The following SORCS2 variants were observed in gnomAD, a reference collection of about 807,000 sequenced individuals.
The protein encoded by SORCS2 is sortilin related VPS10 domain containing receptor 2, also known as VPS10 domain-containing receptor SorCS2.
Under a neutral mutation model 141.6 loss-of-function variants are expected in SORCS2, and 100 were observed. The observed-to-expected ratio is 0.71, with a 90% CI of 0.60 to 0.83. SORCS2 has a LOEUF of 0.83. Among genes scored for constraint, SORCS2 ranks in the 40% least tolerant of loss-of-function variants. The pLI, the probability that SORCS2 is intolerant of heterozygous loss-of-function variation, is 0.00. For missense variants in SORCS2, 1,646 were observed against 1,560.2 expected (o/e 1.05, Z -0.93); for synonymous variants, 789 against 676.9 (o/e 1.17, Z -2.57).
Position 7,253,171 on chromosome 4 carries a change from C to T in SORCS2, c.480+60045C>T, listed in dbSNP as rs185208484. ...CGGCCTTTGAGGTCTCCTGAGCAGC[C>T]GGGCTAAGGATGCCAGGTCTTATCG... On this transcript the variant is annotated intron_variant, in intron 1 of 26. Coordinates refer to ENST00000507866, the MANE Select transcript of SORCS2 (RefSeq NM_020777.3). Among the ~76,000 whole-genome samples, 89 of 152,362 alleles carry T rather than the reference C, an allele frequency of 5.8e-4. 1 individual carries two copies. The East Asian group carries it at 0.011, about 19-fold the overall frequency.
chr4:7,654,969 C>T (rs901642780), intron 5 of SORCS2, among the ~76,000 whole-genome samples: 1 of 152,164 alleles, frequency 6.6e-6, no homozygotes. Context: ...ACGGGGGGCA[C>T]TCGGCTTTCC....
intron 4 of SORCS2, among the ~76,000 whole-genome samples, chr4:7,641,817 G>GAT (rs1553897684): frequency 3.5e-4 from 45 of 127,464 alleles, no homozygotes; most frequent in Middle Eastern, 4.3e-3. Flanking sequence ...TGGATGGATG[G>GAT]GTGGGTGGAT....
chr4:7,215,439 G>A (rs78543159), intron 1 of SORCS2, among the ~76,000 whole-genome samples: 48,174 of 152,102 alleles, frequency 0.32, 8,334 homozygotes, highest in Non-Finnish European at 0.39. Flanking sequence ...TGTGCTGCCC[G>A]AGCCTCCCTG....
intron 3 of SORCS2, among the ~76,000 whole-genome samples, chr4:7,623,558 G>A (rs1719337887): frequency 6.6e-6 from 1 of 152,028 alleles, no homozygotes; most frequent in South Asian, 2.1e-4. Flanking sequence ...CAAACTCCCT[G>A]TTGCCCGACC....
chr4:7,726,388 C>G (rs931440126), intron 20 of SORCS2, among the ~76,000 whole-genome samples: 1 of 152,138 alleles, frequency 6.6e-6, no homozygotes, highest in Non-Finnish European at 1.5e-5. Context: ...ACCTGGCTAA[C>G]ATGGTGAAAC....
Position 7,297,748 on chromosome 4 carries a change from G to A in SORCS2, c.481-98540G>A, listed in dbSNP as rs149099506. Among the ~76,000 whole-genome samples the A allele has an allele frequency of 1.6e-3, 245 of 152,344 alleles. 9 individuals carry two copies. In the East Asian group the frequency reaches 0.042, roughly 26 times the overall value. On this transcript the variant is annotated intron_variant, in intron 1 of 26. Transcript: ENST00000507866. ...CTCATGCAACTCCAGGAGCAAGGCTGGCTCACACTCAGGCTGGCCTCAGGC... is the reference window on the plus strand; with the variant it reads ...CTCATGCAACTCCAGGAGCAAGGCTAGCTCACACTCAGGCTGGCCTCAGGC...
At chr4:7,250,688 C>T (rs942342874) in intron 1 of SORCS2, among the ~76,000 whole-genome samples, 1 of 152,166 alleles carries the variant, frequency 6.6e-6, no homozygotes, top group Non-Finnish European at 1.5e-5. Context: ...TCGGGGAGTG[C>T]GAGGTGTCAG....
chr4:7,690,493 T>C (rs1560486165), intron 11 of SORCS2, among the ~76,000 whole-genome samples: 1 of 150,696 alleles, frequency 6.6e-6, no homozygotes, highest in Non-Finnish European at 1.5e-5. Flanking sequence ...TGATGGATGA[T>C]GGATAGATGC....
At chr4:7,254,109 G>A (rs1485442557) in intron 1 of SORCS2, among the ~76,000 whole-genome samples, 2 of 152,234 alleles carry the variant, frequency 1.3e-5, no homozygotes, top group East Asian at 3.8e-4. Flanking sequence ...GTGGAAAACA[G>A]TATGGGGATT....
At chr4:7,669,223 C>G (rs1381335696) in intron 8 of SORCS2, among the ~76,000 whole-genome samples, 1 of 152,200 alleles carries the variant, frequency 6.6e-6, no homozygotes, top group Non-Finnish European at 1.5e-5. Flanking sequence ...CACACCCAGC[C>G]TCAGGTCATT....
chr4:7,547,896 G>A (rs138833426), intron 3 of SORCS2, among the ~76,000 whole-genome samples: 2 of 152,284 alleles, frequency 1.3e-5, no homozygotes, highest in African/African-American at 2.4e-5. Flanking sequence ...CAAACAAACT[G>A]ATTAAAGAGC....
intron 1 of SORCS2, among the ~76,000 whole-genome samples, chr4:7,271,229 C>T (rs1366871911): frequency 1.3e-5 from 2 of 152,318 alleles, no homozygotes; most frequent in South Asian, 2.1e-4. Flanking sequence ...GGGGATGTCG[C>T]TCCTCCACTC....
chr4:7,434,803 C>T lies in SORCS2; in HGVS notation c.548+38448C>T. ...ACACCACACCGTGGAGCCCTTTGCA[C>T]ACTCCTGGGGGCCTGAGGTGGGGCT... On this transcript the variant is annotated intron_variant, in intron 2 of 26. Coordinates refer to ENST00000507866, the MANE Select transcript of SORCS2 (RefSeq NM_020777.3). The T allele has an allele frequency of 6.2e-7, 1 of 1,609,198 alleles. No individual in the cohort carries two copies. Among genetic ancestry groups the T allele is most frequent in the South Asian group, 1.1e-5 (1 of 90,108 alleles).
intron 4 of SORCS2, among the ~76,000 whole-genome samples, chr4:7,653,341 T>G (rs1312878657): frequency 6.6e-6 from 1 of 152,160 alleles, no homozygotes; most frequent in Non-Finnish European, 1.5e-5. Context: ...CCTCCTGGGT[T>G]CAAGTGATTC....
At chr4:7,319,989 T>C (rs1323216381) in intron 1 of SORCS2, among the ~76,000 whole-genome samples, 3 of 152,144 alleles carry the variant, frequency 2.0e-5, no homozygotes, top group Admixed American at 1.3e-4. Context: ...CTGAATGATA[T>C]TCAGTGTACT....
intron 2 of SORCS2, among the ~76,000 whole-genome samples, chr4:7,412,331 ACTT>A (rs1725374323): frequency 1.3e-5 from 2 of 152,110 alleles, no homozygotes; most frequent in South Asian, 2.1e-4. Context: ...AGGGGTCTCA[ACTT>A]CTTCTGAGTG....
chr4:7,422,793 C>T (rs1311909925), intron 2 of SORCS2, among the ~76,000 whole-genome samples: 5 of 152,158 alleles, frequency 3.3e-5, no homozygotes, highest in Non-Finnish European at 5.9e-5. Context: ...CCCGAGAGTC[C>T]GTTCCAACAC....
intron 1 of SORCS2, among the ~76,000 whole-genome samples, chr4:7,364,406 TTC>T (rs1721759426): frequency 6.6e-6 from 1 of 152,176 alleles, no homozygotes; most frequent in African/African-American, 2.4e-5. Context: ...GACTGACATT[TTC>T]TCTCTGGGCT....
intron 14 of SORCS2, 124 bp downstream of exon 14, chr4:7,704,408 A>T: frequency 1.2e-6 from 1 of 851,328 alleles, no homozygotes; most frequent in Non-Finnish European, 1.8e-6. Flanking sequence ...CACCTGCCCC[A>T]GGTCCCCTTG....
Sources: gnomAD v4.1 joint callset for allele counts (sites outside exome capture counted in the v4.1 genomes callset) on GRCh38, gnomAD v4.1.1 for gene constraint, MANE v1.5 for transcripts, NCBI Gene and HGNC (gene_info 2026-07-23, HGNC 2026-07-21) for gene names.